The following INTS4 variants were observed in gnomAD, a reference collection of about 807,000 sequenced individuals.
INTS4 encodes integrator complex subunit 4, also known as MSTP093.
In INTS4, 70 loss-of-function variants were observed where a neutral mutation model predicts 119.5. The ratio of observed to expected loss-of-function variants is 0.59; its 90% CI spans 0.48 to 0.71. The LOEUF (loss-of-function observed/expected upper bound fraction) is 0.71. INTS4 is among the 30% of genes least tolerant of loss of function. The probability of loss-of-function intolerance (pLI) is 0.00; values close to 1 mark genes in which losing one functional copy is unlikely to be tolerated. For synonymous variants in INTS4, 316 were observed against 419.6 expected (o/e 0.75, Z 3.02); for missense variants, 867 against 1,173.2 (o/e 0.74, Z 3.81).
intron 4 of INTS4, among the ~76,000 whole-genome samples, chr11:77,976,424 T>A (rs575563116): frequency 4.6e-5 from 7 of 152,202 alleles, no homozygotes; most frequent in Non-Finnish European, 8.8e-5. Flanking sequence ...GGCTCATGCC[T>A]GTGATCCCAG....
intron 15 of INTS4, chr11:77,911,121 T>A (rs1953080459): frequency 7.3e-6 from 9 of 1,233,980 alleles, no homozygotes; most frequent in Non-Finnish European, 9.4e-6. Context: ...TAACGATGCC[T>A]CCTGGGGACT....
chr11:77,953,188 A>G (rs1954236633), intron 8 of INTS4, among the ~76,000 whole-genome samples: 1 of 152,234 alleles, frequency 6.6e-6, no homozygotes, highest in African/African-American at 2.4e-5. Context: ...AGTGTCCAGT[A>G]CAGTCAGAAA....
In INTS4 at chr11:77,948,080, C is replaced by G. The variant is rs544852957; in HGVS notation, c.919-6829G>C. On this transcript the variant is annotated intron_variant, in intron 8 of 22. Coordinates refer to ENST00000534064, the MANE Select transcript of INTS4 (RefSeq NM_033547.4). ...CCCAGGCTGGTCTCAAACTCATGAG[C>G]TCAAGTGATCTGCCTGCCTCAGCCT... 1.1e-4 allele frequency among the ~76,000 whole-genome samples: 17 copies of G among 152,134 alleles called. No homozygotes were observed. The East Asian group carries it at 3.3e-3, about 30-fold the overall frequency.
intron 15 of INTS4, among the ~76,000 whole-genome samples, chr11:77,914,307 T>A (rs1953156812): frequency 6.6e-6 from 1 of 152,228 alleles, no homozygotes; most frequent in African/African-American, 2.4e-5. Flanking sequence ...GCACTGCAGC[T>A]GATCACCAAA....
chr11:77,974,526 C>A (rs1855870489), intron 4 of INTS4, among the ~76,000 whole-genome samples: 1 of 150,958 alleles, frequency 6.6e-6, no homozygotes, highest in African/African-American at 2.4e-5. Context: ...CAGGTGTGAG[C>A]CACTGCACCC....
intron 2 of INTS4, among the ~76,000 whole-genome samples, chr11:77,983,765 A>G (rs1273602427): frequency 6.6e-6 from 1 of 152,232 alleles, no homozygotes; most frequent in Non-Finnish European, 1.5e-5. Context: ...GGAAAACAGT[A>G]TGATGGAAAT....
At chr11:77,969,278 T>C (rs1397329712) in intron 4 of INTS4, among the ~76,000 whole-genome samples, 4 of 152,126 alleles carry the variant, frequency 2.6e-5, no homozygotes, top group African/African-American at 7.2e-5. Flanking sequence ...ATAATACACA[T>C]ACCATGCAAT....
intron 8 of INTS4, among the ~76,000 whole-genome samples, chr11:77,945,992 G>C (rs1454581956): frequency 1.3e-5 from 2 of 152,196 alleles, no homozygotes; most frequent in Non-Finnish European, 2.9e-5. Context: ...CATAGCCACA[G>C]AGCTGCCCAG....
intron 18 of INTS4, among the ~76,000 whole-genome samples, chr11:77,895,955 A>G (rs1180724010): frequency 6.6e-6 from 1 of 152,152 alleles, no homozygotes; most frequent in African/African-American, 2.4e-5. Flanking sequence ...AATACAAATT[A>G]CCAATTTAAA....
At chr11:77,929,865 T>C (rs570428431) in intron 10 of INTS4, among the ~76,000 whole-genome samples, 2 of 152,262 alleles carry the variant, frequency 1.3e-5, no homozygotes, top group South Asian at 2.1e-4. Context: ...GTAAACCACA[T>C]AGGGACCCTG....
At chr11:77,960,821 G>T in intron 5 of INTS4, 132 bp downstream of exon 5, 1 of 774,260 alleles carries the variant, frequency 1.3e-6, no homozygotes, top group Non-Finnish European at 2.0e-6. Context: ...ACTGAGTTCT[G>T]CGAGGCCACC....
chr11:77,987,235 T>C (rs1350790201), intron 2 of INTS4: 1 of 155,468 alleles, frequency 6.4e-6, no homozygotes, highest in Admixed American at 6.4e-5. Context: ...TCTGAAATGT[T>C]CCATAACAAA....
intron 2 of INTS4, among the ~76,000 whole-genome samples, chr11:77,989,667 A>T (rs1289864901): frequency 1.3e-5 from 2 of 150,296 alleles, no homozygotes; most frequent in African/African-American, 4.9e-5. Context: ...AGGAGGGTGG[A>T]TTGCTTGAGC....
At chr11:77,908,124 G>A (rs541075240) in intron 15 of INTS4, among the ~76,000 whole-genome samples, 42 of 152,146 alleles carry the variant, frequency 2.8e-4, no homozygotes, top group Non-Finnish European at 1.5e-5. Context: ...AATGCTTTAT[G>A]GGTCATAATA....
intron 8 of INTS4, among the ~76,000 whole-genome samples, chr11:77,952,049 C>G (rs1295534207): frequency 6.6e-6 from 1 of 152,174 alleles, no homozygotes; most frequent in Admixed American, 6.5e-5. Flanking sequence ...AATAGGAACA[C>G]TTTTACACTG....
chr11:77,968,534 A>T (rs1855586681), intron 4 of INTS4, among the ~76,000 whole-genome samples: 1 of 152,172 alleles, frequency 6.6e-6, no homozygotes, highest in African/African-American at 2.4e-5. Flanking sequence ...ATAGAGTTTC[A>T]CTTCTGCAAA....
At chr11:77,945,808 T>A (rs1238221844) in intron 8 of INTS4, among the ~76,000 whole-genome samples, 1 of 152,114 alleles carries the variant, frequency 6.6e-6, no homozygotes, top group Non-Finnish European at 1.5e-5. Context: ...CCCCTAAAAC[T>A]GGCCACGATA....
chr11:77,919,534 C>T (rs1953287881), intron 14 of INTS4, among the ~76,000 whole-genome samples: 1 of 152,222 alleles, frequency 6.6e-6, no homozygotes, highest in Non-Finnish European at 1.5e-5. Flanking sequence ...GATCTGCCTG[C>T]CTCGGCCACC....
At chr11:77,891,217 C>G (rs2136392029) in intron 21 of INTS4, 102 bp downstream of exon 21, 2 of 1,076,200 alleles carry the variant, frequency 1.9e-6, no homozygotes, top group Non-Finnish European at 1.3e-6. Context: ...CTTCTCCTGT[C>G]CCAGTTTCTG....
Sources: gnomAD v4.1 joint callset for allele counts (sites outside exome capture counted in the v4.1 genomes callset) on GRCh38, gnomAD v4.1.1 for gene constraint, MANE v1.5 for transcripts, NCBI Gene and HGNC (gene_info 2026-07-23, HGNC 2026-07-21) for gene names.